DACH2: variants seen among roughly 807,000 people sequenced by gnomAD.
DACH2 encodes the protein dachshund homolog 2.
A neutral mutation model predicts 35.8 loss-of-function variants in DACH2; 17 were observed. That is an observed-to-expected ratio of 0.48 (90% CI 0.33 to 0.71). DACH2 has a LOEUF of 0.71. Ranked by LOEUF, DACH2 falls within the 30% of genes least tolerant of loss-of-function variation. The pLI, the probability that DACH2 is intolerant of heterozygous loss-of-function variation, is 0.02. For synonymous variants in DACH2, 195 were observed against 177.3 expected (o/e 1.10, Z -0.79); for missense variants, 469 against 472.7 (o/e 0.99, Z 0.07).
chrX:86,428,961 T>C (rs2036938579), intron 2 of DACH2, among the ~76,000 whole-genome samples: 2 of 111,291 alleles, frequency 1.8e-5, no homozygotes, highest in South Asian at 3.7e-4. Context: ...TTTAATTCTC[T>C]CTTTTTAGGC....
chrX:86,562,150 A>C (rs1365201365), intron 3 of DACH2, among the ~76,000 whole-genome samples: 1 of 109,978 alleles, frequency 9.1e-6, no homozygotes, highest in Non-Finnish European at 1.9e-5. Flanking sequence ...TTTTCTTTTC[A>C]TGGGGGTGGC....
chrX:86,773,126 C>A (rs1305746228), intron 7 of DACH2, among the ~76,000 whole-genome samples: 1 of 111,296 alleles, frequency 9.0e-6, no homozygotes, highest in Non-Finnish European at 1.9e-5. Flanking sequence ...AAATTGTGGT[C>A]AGTTCACCTC....
At chrX:86,827,817 T>A in intron 11 of DACH2, 1 of 1,154,050 alleles carries the variant, frequency 8.7e-7, no homozygotes, top group Non-Finnish European at 1.2e-6. Flanking sequence ...AATAGGGTGC[T>A]GTAGCAGTTA....
chrX:86,743,619 T>C (rs2041680176), intron 7 of DACH2, among the ~76,000 whole-genome samples: 1 of 111,559 alleles, frequency 9.0e-6, no homozygotes, highest in African/African-American at 3.2e-5. Flanking sequence ...AAACTGAACG[T>C]GCTTCATAAT....
At chrX:86,338,751 A>G (rs900362906) in intron 1 of DACH2, among the ~76,000 whole-genome samples, 1 of 111,459 alleles carries the variant, frequency 9.0e-6, no homozygotes, top group South Asian at 3.7e-4. Context: ...GACATGAAAA[A>G]CCCTTCAAAA....
At chrX:86,482,270 G>A (rs2037948637) in intron 2 of DACH2, among the ~76,000 whole-genome samples, 1 of 111,662 alleles carries the variant, frequency 9.0e-6, no homozygotes, top group Non-Finnish European at 1.9e-5. Flanking sequence ...ATAAATTTAT[G>A]CAATTATAAA....
At chrX:86,278,116 A>G (rs762562691) in intron 1 of DACH2, among the ~76,000 whole-genome samples, 23 of 111,673 alleles carry the variant, frequency 2.1e-4, no homozygotes, top group Admixed American at 3.8e-4. Context: ...GTCTGCTGCC[A>G]GTCTGATTCA....
chrX:86,524,335 C>T (rs1212543349), intron 3 of DACH2, among the ~76,000 whole-genome samples: 4 of 111,938 alleles, frequency 3.6e-5, no homozygotes, highest in Non-Finnish European at 5.7e-5. Context: ...TTTACAGTGT[C>T]TAAAAACATA....
chrX:86,605,283 TA>T (rs981544996), intron 3 of DACH2, among the ~76,000 whole-genome samples: 1 of 111,379 alleles, frequency 9.0e-6, no homozygotes, highest in Non-Finnish European at 1.9e-5. Context: ...AACCCCCCTT[TA>T]AAAAAACATT....
chrX:86,428,504 TATG>T (rs1055270496), intron 2 of DACH2, among the ~76,000 whole-genome samples: 1 of 112,096 alleles, frequency 8.9e-6, no homozygotes, highest in Non-Finnish European at 1.9e-5. Flanking sequence ...TAATTACTAT[TATG>T]ATGTTTTGGG....
At chrX:86,468,965 T>C (rs1039822281) in intron 2 of DACH2, among the ~76,000 whole-genome samples, 1 of 111,524 alleles carries the variant, frequency 9.0e-6, no homozygotes, top group Non-Finnish European at 1.9e-5. Context: ...TGTCTATAAG[T>C]GGATTAATGG....
At chrX:86,377,281 A>T (rs2035982359) in intron 2 of DACH2, among the ~76,000 whole-genome samples, 1 of 111,529 alleles carries the variant, frequency 9.0e-6, no homozygotes, top group Non-Finnish European at 1.9e-5. Context: ...AGTGTGCTAC[A>T]ACGATAATGG....
At chrX:86,569,375 C>G (rs1472831938) in intron 3 of DACH2, among the ~76,000 whole-genome samples, 1 of 111,085 alleles carries the variant, frequency 9.0e-6, no homozygotes, top group Non-Finnish European at 1.9e-5. Flanking sequence ...AGCACTTTCT[C>G]CATGCTTAAC....
At chrX:86,757,831 G>A (rs905386594) in intron 7 of DACH2, among the ~76,000 whole-genome samples, 6 of 112,161 alleles carry the variant, frequency 5.3e-5, no homozygotes, top group Non-Finnish European at 1.1e-4. Flanking sequence ...TGTACAGCCT[G>A]CAGAACCATA....
intron 3 of DACH2, among the ~76,000 whole-genome samples, chrX:86,535,212 C>A: frequency 9.0e-6 from 1 of 111,273 alleles, no homozygotes; most frequent in Middle Eastern, 4.6e-3. Context: ...ATTTACTCAC[C>A]GTCTGTTACA....
chrX:86,166,210 G>A (rs1343414888), intron 1 of DACH2, among the ~76,000 whole-genome samples: 5 of 111,207 alleles, frequency 4.5e-5, no homozygotes, highest in African/African-American at 1.6e-4. Flanking sequence ...TTTTATGCCA[G>A]TAACATGCTG....
intron 2 of DACH2, among the ~76,000 whole-genome samples, chrX:86,501,443 G>A (rs1429975445): frequency 8.9e-6 from 1 of 111,887 alleles, no homozygotes; most frequent in Admixed American, 9.5e-5. Context: ...CTGGAAGACA[G>A]GAAGATAAAG....
chrX:86,274,182 A>T (rs905573837), intron 1 of DACH2, among the ~76,000 whole-genome samples: 10 of 111,091 alleles, frequency 9.0e-5, no homozygotes, highest in African/African-American at 3.0e-4. Context: ...ATTACTGGTA[A>T]ATCACTGCAC....
intron 2 of DACH2, among the ~76,000 whole-genome samples, chrX:86,500,824 T>C (rs2038239324): frequency 8.9e-6 from 1 of 112,102 alleles, no homozygotes; most frequent in Non-Finnish European, 1.9e-5. Flanking sequence ...AGTTGTTAGA[T>C]AGCCTCAACT....
Sources: allele counts gnomAD v4.1 joint callset (sites outside exome capture counted in the v4.1 genomes callset), GRCh38; gene constraint gnomAD v4.1.1; transcripts MANE v1.5; gene names NCBI Gene and HGNC (gene_info 2026-07-23, HGNC 2026-07-21).